The following BCKDHB variants were observed in gnomAD, a reference collection of about 807,000 sequenced individuals.
BCKDHB encodes the protein 2-oxoisovalerate dehydrogenase subunit beta, mitochondrial.
In BCKDHB, 41 loss-of-function variants were observed where a neutral mutation model predicts 48.5. That is an observed-to-expected ratio of 0.85 (90% CI 0.66 to 1.10). The LOEUF (loss-of-function observed/expected upper bound fraction) is 1.10. Among genes scored for constraint, BCKDHB ranks in the 50% least tolerant of loss-of-function variants. The probability of loss-of-function intolerance (pLI) is 0.00; values close to 1 mark genes in which losing one functional copy is unlikely to be tolerated. For missense variants in BCKDHB, 496 were observed against 494.2 expected, an observed-to-expected ratio of 1.00 and a Z score of -0.03; for synonymous variants, 201 against 174.8, an observed-to-expected ratio of 1.15 and a Z score of -1.18.
At chr6:80,206,741 A>G (rs1774683965) in intron 8 of BCKDHB, among the ~76,000 whole-genome samples, 1 of 152,040 alleles carries the variant, frequency 6.6e-6, no homozygotes, top group Admixed American at 6.6e-5. Flanking sequence ...AAGTCAGAAA[A>G]GAGGATAAAA....
intron 3 of BCKDHB, among the ~76,000 whole-genome samples, chr6:80,143,706 A>G (rs899109932): frequency 6.6e-6 from 1 of 152,160 alleles, no homozygotes; most frequent in Non-Finnish European, 1.5e-5. Context: ...TTTCCTGGTG[A>G]GCAGCTACAC....
intron 1 of BCKDHB, among the ~76,000 whole-genome samples, chr6:80,121,510 C>T (rs1221889040): frequency 6.6e-6 from 1 of 152,158 alleles, no homozygotes; most frequent in African/African-American, 2.4e-5. Flanking sequence ...AATATTCTTC[C>T]ATTTGTTTGT....
At chr6:80,401,308 G>C in the BCKDHB span, among the ~76,000 whole-genome samples, 3 of 151,728 alleles carry the variant, frequency 2.0e-5, no homozygotes, top group African/African-American at 7.3e-5. Context: ...CTCTCAATGA[G>C]TCCACATCTG....
At chr6:80,384,905 A>C in the BCKDHB span, among the ~76,000 whole-genome samples, 1 of 152,166 alleles carries the variant, frequency 6.6e-6, no homozygotes, top group Non-Finnish European at 1.5e-5. Context: ...TTGGCTACTT[A>C]ATATGATTAG....
At chr6:80,309,773 G>A (rs1192417690) in intron 9 of BCKDHB, among the ~76,000 whole-genome samples, 3 of 152,006 alleles carry the variant, frequency 2.0e-5, no homozygotes, top group African/African-American at 7.3e-5. Flanking sequence ...TGTGTGTCAC[G>A]GGGATTTGGT....
chr6:80,233,209 A>T (rs1237765907), intron 8 of BCKDHB, among the ~76,000 whole-genome samples: 2 of 152,072 alleles, frequency 1.3e-5, no homozygotes, highest in Non-Finnish European at 2.9e-5. Flanking sequence ...AAAATGTCCT[A>T]ATTCCAGGAA....
the BCKDHB span, among the ~76,000 whole-genome samples, chr6:80,387,182 C>T: frequency 2.6e-5 from 4 of 152,158 alleles, no homozygotes; most frequent in Non-Finnish European, 5.9e-5. Context: ...TCAGCTCTGA[C>T]TTACAGTGGG....
At chr6:80,415,719 G>C in the BCKDHB span, among the ~76,000 whole-genome samples, 3 of 152,034 alleles carry the variant, frequency 2.0e-5, no homozygotes, top group Non-Finnish European at 2.9e-5. Flanking sequence ...TAAGGGTATT[G>C]GCCTGAACGT....
Position 80,178,492 on chromosome 6 carries a change from A to G in BCKDHB, c.742+7102A>G, listed in dbSNP as rs149867908. Reference sequence around the variant, plus strand: ...CTTCTTTTGTCTTAATAGGTGAAGTAGGAACCCCCTCTATTTACTCATAAT... The same window carrying G: ...CTTCTTTTGTCTTAATAGGTGAAGTGGGAACCCCCTCTATTTACTCATAAT... On this transcript the variant is annotated intron_variant, in intron 6 of 9. Coordinates refer to ENST00000320393, the MANE Select transcript of BCKDHB (RefSeq NM_183050.4). 4.0e-3 allele frequency among the ~76,000 whole-genome samples: 610 copies of G among 152,354 alleles called. 3 individuals are homozygous for G. The highest frequency in any genetic ancestry group is 0.014 in the African/African-American group (571 of 41,580).
At chr6:80,416,414 A>G in the BCKDHB span, among the ~76,000 whole-genome samples, 2 of 151,988 alleles carry the variant, frequency 1.3e-5, no homozygotes, top group African/African-American at 4.8e-5. Context: ...ATGTGGTCAT[A>G]TAGTATTATA....
intron 8 of BCKDHB, among the ~76,000 whole-genome samples, chr6:80,269,700 T>C (rs889210518): frequency 6.6e-6 from 1 of 152,152 alleles, no homozygotes; most frequent in Admixed American, 6.6e-5. Context: ...TTAATTTGTT[T>C]CAAGTGATGA....
chr6:80,122,059 G>A (rs1770054901), intron 1 of BCKDHB, among the ~76,000 whole-genome samples: 1 of 152,208 alleles, frequency 6.6e-6, no homozygotes, highest in Admixed American at 6.5e-5. Context: ...TTTTTAGCAT[G>A]AAGGGCTGTT....
At chr6:80,307,828 G>A in intron 9 of BCKDHB, 7 of 984,914 alleles carry the variant, frequency 7.1e-6, no homozygotes, top group Non-Finnish European at 8.4e-6. Flanking sequence ...CAAATGGAAT[G>A]TGTCTATATG....
chr6:80,289,993 C>T (rs1166899604), intron 9 of BCKDHB, among the ~76,000 whole-genome samples: 1 of 152,208 alleles, frequency 6.6e-6, no homozygotes, highest in African/African-American at 2.4e-5. Context: ...CCCAGGGTCA[C>T]GCTTAGCCAC....
chr6:80,267,976 C>T (rs1421077391), intron 8 of BCKDHB, among the ~76,000 whole-genome samples: 1 of 152,038 alleles, frequency 6.6e-6, no homozygotes, highest in Non-Finnish European at 1.5e-5. Flanking sequence ...GTGTAACCCC[C>T]TCACTAACAT....
the BCKDHB span, among the ~76,000 whole-genome samples, chr6:80,389,525 T>G: frequency 6.6e-6 from 1 of 152,210 alleles, no homozygotes. Flanking sequence ...ATACAGTGCT[T>G]CTGCCAAGAC....
chr6:80,261,164 A>G (rs1310053263), intron 8 of BCKDHB, among the ~76,000 whole-genome samples: 1 of 152,088 alleles, frequency 6.6e-6, no homozygotes, highest in African/African-American at 2.4e-5. Flanking sequence ...TGTGTACCTC[A>G]TCCTTTAAGT....
At chr6:80,459,455 A>G in the BCKDHB span, among the ~76,000 whole-genome samples, 1 of 152,138 alleles carries the variant, frequency 6.6e-6, no homozygotes, top group Non-Finnish European at 1.5e-5. Flanking sequence ...AAAGAAAGCA[A>G]TGGTGGTTAC....
intron 9 of BCKDHB, among the ~76,000 whole-genome samples, chr6:80,319,917 C>G (rs151176196): frequency 7.2e-5 from 11 of 152,156 alleles, no homozygotes; most frequent in African/African-American, 2.6e-4. Context: ...GTTAGATCTG[C>G]TTAGAAATCT....
Sources: gnomAD v4.1 joint callset for allele counts (sites outside exome capture counted in the v4.1 genomes callset) on GRCh38, gnomAD v4.1.1 for gene constraint, MANE v1.5 for transcripts, NCBI Gene and HGNC (gene_info 2026-07-23, HGNC 2026-07-21) for gene names.